The following PLCB3 variants were observed in gnomAD, a reference collection of about 807,000 sequenced individuals.
PLCB3 encodes phospholipase C beta 3.
Under a neutral mutation model 152.1 loss-of-function variants are expected in PLCB3, and 54 were observed. The ratio of observed to expected loss-of-function variants is 0.36; its 90% CI spans 0.29 to 0.45. The LOEUF is 0.45. Among genes scored for constraint, PLCB3 ranks in the 20% least tolerant of loss-of-function variants. PLCB3 has a pLI of 1.00. For synonymous variants in PLCB3, 717 were observed against 698.7 expected (o/e 1.03, Z -0.41); for missense variants, 1,248 against 1,687.5 (o/e 0.74, Z 4.56).
Position 64,260,123 on chromosome 11 carries a change from C to A in PLCB3, c.1620C>A (p.Asp540Glu). 6.2e-7 allele frequency: 1 copy of A among 1,611,580 alleles called. No homozygotes were observed. Among genetic ancestry groups the A allele is most frequent in the Non-Finnish European group, 8.5e-7 (1 of 1,179,138 alleles). Reference protein sequence around the residue: ...PSLEPQKSLGDEGLNRGPYVL... With the variant: ...PSLEPQKSLGEEGLNRGPYVL... ...TGGAGCCTCAGAAGTCTCTGGGTGACGAGGGCCTGAACCGAGGCCCCTATG... is the reference window on the plus strand; with the variant it reads ...TGGAGCCTCAGAAGTCTCTGGGTGAAGAGGGCCTGAACCGAGGCCCCTATG... The change falls in exon 14 of 31, where the codon GAC becomes GAA. Residue 540 changes from aspartate to glutamate, a missense_variant. Coordinates refer to ENST00000279230, the MANE Select transcript of PLCB3 (RefSeq NM_000932.5).
Position 64,264,079 on chromosome 11 carries a change from C to T in PLCB3, c.2619C>T (p.Ala873=). 1.3e-6 allele frequency: 2 copies of T among 1,556,300 alleles called. No individual in the cohort carries two copies. The highest frequency in any genetic ancestry group is 1.2e-5 in the South Asian group (1 of 82,098). The change falls in exon 22 of 31, where the codon GCC becomes GCT. Residue 873 remains alanine (A), a synonymous_variant. Coordinates refer to ENST00000279230, the MANE Select transcript of PLCB3 (RefSeq NM_000932.5). The part of the protein sequence containing the change: ...IKHVSLMDQR[A]RQLAALIGES... ...ACGTCAGCCTGATGGACCAGAGGGC[C>T]CGGCAGCTGGCCGCCCTCATTGGGG...
chr11:64,266,484 C>T lies in PLCB3; in HGVS notation c.3357-11C>T. 1 of 1,613,406 alleles carries T rather than the reference C, an allele frequency of 6.2e-7. No homozygotes were observed. The highest frequency in any genetic ancestry group is 8.5e-7 in the Non-Finnish European group (1 of 1,179,490). On this transcript the variant is annotated splice_polypyrimidine_tract_variant and intron_variant, in intron 28 of 30. Transcript: ENST00000279230. This position sits in a 1 kb window ranked among gnomAD's most constrained non-coding sequence, Gnocchi z 4.9. ...CTGGGCCCCGAGCCATCCTGCGTTG[C>T]TCCCGTGCAGGGAACTGACGGAGAT... is the stretch of plus-strand genomic sequence containing the variant.
chr11:64,257,979 C>G (rs1244992250), intron 10 of PLCB3, among the ~76,000 whole-genome samples: 1 of 151,944 alleles, frequency 6.6e-6, no homozygotes, highest in Admixed American at 6.6e-5. Context: ...CATGGTGAAA[C>G]CCCATCTCTA....
rs200850537 is a variant in PLCB3, at chr11:64,258,765, C to T, written c.1253+52C>T. Reference sequence around the variant, plus strand: ...CATGGACCGGGGGACAGTCTTCCAGCTTCAGTGCTGTTGGACTGCTCAGGG... The same window carrying T: ...CATGGACCGGGGGACAGTCTTCCAGTTTCAGTGCTGTTGGACTGCTCAGGG... On this transcript the variant is annotated intron_variant, in intron 11 of 30. Transcript: ENST00000279230. This position sits in a 1 kb window ranked among gnomAD's most constrained non-coding sequence, Gnocchi z 7.2. 1.9e-5 allele frequency: 30 copies of T among 1,608,834 alleles called. No individual in the cohort carries two copies. The highest frequency in any genetic ancestry group is 2.1e-5 in the Non-Finnish European group (25 of 1,176,550).
At chr11:64,257,944 A>C (rs1463107635) in intron 10 of PLCB3, among the ~76,000 whole-genome samples, 1 of 152,054 alleles carries the variant, frequency 6.6e-6, no homozygotes, top group Non-Finnish European at 1.5e-5. Flanking sequence ...ACCTGAGGTC[A>C]GGAGTTCGAG....
intron 10 of PLCB3, 136 bp downstream of exon 10, chr11:64,256,900 G>T: frequency 1.0e-6 from 1 of 985,796 alleles, no homozygotes; most frequent in Non-Finnish European, 1.5e-6. Context: ...CAGGGAACAG[G>T]CAGCCAGCCC....
intron 13 of PLCB3, 109 bp from the exon 14 acceptor site, chr11:64,259,920 C>A: frequency 1.1e-6 from 1 of 891,200 alleles, no homozygotes; most frequent in Non-Finnish European, 1.7e-6. Flanking sequence ...GAGAGTACCC[C>A]TTGAATTCCC....
In PLCB3 at chr11:64,264,094, C is replaced by T. The variant is rs1229669303; in HGVS notation, c.2634C>T (p.Ala878=). Residue 878 remains alanine, a synonymous_variant, in exon 22 of 31, where the codon GCC becomes GCT. Coordinates refer to ENST00000279230, the MANE Select transcript of PLCB3 (RefSeq NM_000932.5). ...ACCAGAGGGCCCGGCAGCTGGCCGC[C>T]CTCATTGGGGAGAGTGAGGTGAGCC... ...LMDQRARQLA[A]LIGESEAQAG... 1 of 1,546,248 alleles carries T rather than the reference C, an allele frequency of 6.5e-7. No homozygotes were observed. The highest frequency in any genetic ancestry group is 8.7e-7 in the Non-Finnish European group (1 of 1,148,408).
Position 64,266,134 on chromosome 11 carries a change from G to T in PLCB3, c.3198G>T (p.Gln1066His). The change falls in exon 27 of 31, where the codon CAG (glutamine) becomes CAT (histidine). Residue 1066 changes from glutamine to histidine, a missense_variant. Physicochemically the swap from Gln to His is conservative, Grantham distance 24. Coordinates refer to ENST00000279230, the MANE Select transcript of PLCB3 (RefSeq NM_000932.5). The surrounding 1 kb of genome is among the most constrained non-coding windows in gnomAD (Gnocchi z 4.9). Reference sequence around the variant, plus strand: ...GCTCCCTGTGTCCACAGGCTCTGCAGCGGCTCAGGGAGGTCGTCCTTGATG... The same window carrying T: ...GCTCCCTGTGTCCACAGGCTCTGCATCGGCTCAGGGAGGTCGTCCTTGATG... Reference protein sequence around the residue: ...RRLEHLRQALQRLREVVLDAN... With the variant: ...RRLEHLRQALHRLREVVLDAN... 6.2e-7 allele frequency: 1 copy of T among 1,614,130 alleles called. No homozygotes were observed. Among genetic ancestry groups the T allele is most frequent in the Non-Finnish European group, 8.5e-7 (1 of 1,180,008 alleles).
rs775622707 is a variant in PLCB3, at chr11:64,266,173, G to A, written c.3237G>A (p.Gln1079=). The A allele has an allele frequency of 2.5e-6, 4 of 1,614,140 alleles. No individual in the cohort carries two copies. The Admixed American group carries it at 6.7e-5, about 27-fold the overall frequency. The change falls in exon 27 of 31, where the codon CAG becomes CAA. Residue 1079 remains glutamine (Q), a synonymous_variant. Transcript: ENST00000279230. This position sits in a 1 kb window ranked among gnomAD's most constrained non-coding sequence, Gnocchi z 4.9. ...REVVLDANTT[Q]FKRLKEMNER... ...TCGTCCTTGATGCAAACACAACTCA[G>A]TTCAAGAGGCTGAAAGAGATGAACG...
Position 64,259,982 on chromosome 11 carries a change from C to T in PLCB3, c.1526-47C>T, listed in dbSNP as rs535681706. 45 of 1,509,218 alleles carry T rather than the reference C, an allele frequency of 3.0e-5. 1 individual carries two copies. The South Asian group carries it at 5.0e-4, about 17-fold the overall frequency. The allele number at this position is 1,509,218 out of a possible 1,614,324, so 93.5% of individuals were successfully genotyped here. On this transcript the variant is annotated intron_variant, in intron 13 of 30. Transcript: ENST00000279230. ...GAAAAACCCCTCCAGACTTCCTAAG[C>T]AGCTGTGTGGTCCTGACCCCTCACC...
At chr11:64,261,247 A>C (rs2031833332) in intron 14 of PLCB3, among the ~76,000 whole-genome samples, 153 bp from the exon 15 acceptor site, 1 of 152,194 alleles carries the variant, frequency 6.6e-6, no homozygotes, top group Admixed American at 6.5e-5. Flanking sequence ...TCCAGGGCGC[A>C]TCAGTGAGAC....
At chr11:64,264,213 C>T (rs933242189) in intron 22 of PLCB3, 101 bp downstream of exon 22, 45 of 740,770 alleles carry the variant, frequency 6.1e-5, no homozygotes, top group African/African-American at 3.9e-4. Flanking sequence ...GTCTCTCTAG[C>T]GCAGTAGGCT....
At position 64,255,887 on chromosome 11, in the gene PLCB3, T is replaced by C; in HGVS notation, c.698+66T>C. The C allele has an allele frequency of 8.2e-7, 1 of 1,216,044 alleles. No homozygotes were observed. Among genetic ancestry groups the C allele is most frequent in the Non-Finnish European group, 1.2e-6 (1 of 819,932 alleles). 75.3% of individuals were successfully genotyped at this position (1,216,044 alleles called of 1,614,324 possible). On this transcript the variant is annotated intron_variant, in intron 8 of 30. Coordinates refer to ENST00000279230, the MANE Select transcript of PLCB3 (RefSeq NM_000932.5). The surrounding 1 kb of genome is among the most constrained non-coding windows in gnomAD (Gnocchi z 6.8). ...GTTTAGCTTCTGCTTAGCGTGCCTC[T>C]AGCTCAATGGGGAGAGGGGAAACTG... is the stretch of plus-strand genomic sequence containing the variant.
At position 64,266,227 on chromosome 11, in the gene PLCB3, G is replaced by A. The variant is rs370678526; in HGVS notation, c.3266+25G>A. Reference sequence around the variant, plus strand: ...GGTGAAAGCCGAGGATTGTCTATGGGAAGGGCTGGGGACTTCTAGTACCAG... The same window carrying A: ...GGTGAAAGCCGAGGATTGTCTATGGAAAGGGCTGGGGACTTCTAGTACCAG... On this transcript the variant is annotated intron_variant, in intron 27 of 30. Transcript: ENST00000279230. The surrounding 1 kb of genome is among the most constrained non-coding windows in gnomAD (Gnocchi z 4.9). 8 of 1,613,832 alleles carry A rather than the reference G, an allele frequency of 5.0e-6. No individual in the cohort carries two copies. Among genetic ancestry groups the A allele is most frequent in the Non-Finnish European group, 6.8e-6 (8 of 1,179,920 alleles).
At chr11:64,256,997 C>CTTTTTTTTTTTTT (rs5792316) in intron 10 of PLCB3, among the ~76,000 whole-genome samples, 3 of 61,560 alleles carry the variant, frequency 4.9e-5, no homozygotes, top group Non-Finnish European at 8.6e-5. Flanking sequence ...CTTCAGGGTC[C>CTTTTTTTTTTTTT]TTTTTTTTTT....
intron 17 of PLCB3, 115 bp downstream of exon 17, chr11:64,262,191 A>T: frequency 6.8e-7 from 1 of 1,465,630 alleles, no homozygotes; most frequent in Non-Finnish European, 9.5e-7. Context: ...CCCAGATCCC[A>T]GGGGAACCCA....
chr11:64,255,225 G>GC lies in PLCB3; in HGVS notation c.388-3dup, dbSNP rs1451900028. 2 of 1,610,906 alleles carry GC rather than the reference G, an allele frequency of 1.2e-6. No homozygotes were observed. The highest frequency in any genetic ancestry group is 1.1e-5 in the South Asian group (1 of 91,030). The stretch of plus-strand genomic sequence containing the variant: ...ACTCACCGCCTCCCCGTGTATACTG[G>GC]CCCCCCAGGTCTGGTCTGAGGAGCT... On this transcript the variant is annotated splice_polypyrimidine_tract_variant and intron_variant, in intron 4 of 30. Coordinates refer to ENST00000279230, the MANE Select transcript of PLCB3 (RefSeq NM_000932.5). The surrounding 1 kb of genome is among the most constrained non-coding windows in gnomAD (Gnocchi z 6.8).
chr11:64,268,834 T>G (rs1591121120), downstream of PLCB3: 1 of 152,282 alleles, frequency 6.6e-6, no homozygotes, highest in Admixed American at 6.5e-5. Context: ...TTGAGTATCT[T>G]CTTTGCTTTG....
Sources: gnomAD v4.1 joint callset for allele counts (sites outside exome capture counted in the v4.1 genomes callset) on GRCh38, gnomAD v4.1.1 for gene constraint, Gnocchi (gnomAD v3.1) non-coding constraint, MANE v1.5 for transcripts, NCBI Gene and HGNC (gene_info 2026-07-23, HGNC 2026-07-21) for gene names.